NPM1: variants seen among roughly 807,000 people sequenced by gnomAD.
The protein encoded by NPM1 is nucleophosmin 1.
A neutral mutation model predicts 44.1 loss-of-function variants in NPM1; 1 was observed. That is an observed-to-expected ratio of 0.02 (90% CI 0.01 to 0.11). NPM1 has a LOEUF of 0.11. NPM1 is among the 10% of genes least tolerant of loss of function. NPM1 has a pLI of 1.00. For missense variants in NPM1, 197 were observed against 347.8 expected (o/e 0.57, Z 3.45); for synonymous variants, 126 against 111.8 (o/e 1.13, Z -0.80).
chr5:171,399,711 G>A (rs530836461), intron 6 of NPM1, among the ~76,000 whole-genome samples: 9 of 151,308 alleles, frequency 5.9e-5, no homozygotes, highest in South Asian at 2.1e-4. Flanking sequence ...AATTCACTCT[G>A]AGTGTACAGT....
At chr5:171,403,692 C>A (rs1272194323) in intron 8 of NPM1, among the ~76,000 whole-genome samples, 3 of 145,702 alleles carry the variant, frequency 2.1e-5, no homozygotes, top group Admixed American at 6.9e-5. Context: ...GGGGGCTGAC[C>A]CCCCCACCTC....
At chr5:171,393,139 A>G (rs1770678550) in intron 6 of NPM1, among the ~76,000 whole-genome samples, 161 bp downstream of exon 6, 1 of 152,232 alleles carries the variant, frequency 6.6e-6, no homozygotes, top group Non-Finnish European at 1.5e-5. Context: ...TTGTCAGTTT[A>G]AGTTAAATGA....
In NPM1 at chr5:171,408,147, CTTT is replaced by C. The variant is rs142729767; in HGVS notation, c.846+385_846+387del. Among the ~76,000 whole-genome samples, 10 of 142,050 alleles carry C rather than the reference CTTT, an allele frequency of 7.0e-5. No homozygotes were observed. The East Asian group carries it at 8.1e-4, about 12-fold the overall frequency. 93.2% of individuals were successfully genotyped at this position (142,050 alleles called of 152,430 possible). On this transcript the variant is annotated intron_variant, in intron 10 of 10. Transcript: ENST00000296930. Reference sequence around the variant, plus strand: ...GGCTTTTTTGGGAGTTGGTAGAGATCTTTTTTTTTTTTTTCCTAGATCTTATGG... The same window carrying C: ...GGCTTTTTTGGGAGTTGGTAGAGATCTTTTTTTTTTTCCTAGATCTTATGG...
At chr5:171,391,929 A>T in intron 4 of NPM1, 130 bp downstream of exon 4, 4 of 442,228 alleles carry the variant, frequency 9.0e-6, no homozygotes, top group Non-Finnish European at 4.0e-6. Flanking sequence ...GAGTCTAGAA[A>T]TTGGAGAGGA....
intron 6 of NPM1, among the ~76,000 whole-genome samples, chr5:171,399,541 G>A (rs921557237): frequency 2.0e-5 from 3 of 152,138 alleles, no homozygotes; most frequent in Non-Finnish European, 1.5e-5. Context: ...CAGTTCTTGG[G>A]TTTGTTTATA....
intron 8 of NPM1, 60 bp downstream of exon 8, chr5:171,400,985 G>C (rs1771169164): frequency 8.7e-7 from 1 of 1,149,460 alleles, no homozygotes; most frequent in South Asian, 1.2e-5. Flanking sequence ...AGATTCTACT[G>C]TGGAAGAATC....
At position 171,388,148 on chromosome 5, in the gene NPM1, G is replaced by C; in HGVS notation, c.58+142G>C. On this transcript the variant is annotated intron_variant, in intron 1 of 10. Transcript: ENST00000296930. Reference sequence around the variant, plus strand: ...GAGGCCTGAGCGGGTGGGAAGAGCTGCCTGAGCCCTGGACCTGGAGGGATT... The same window carrying C: ...GAGGCCTGAGCGGGTGGGAAGAGCTCCCTGAGCCCTGGACCTGGAGGGATT... 5 of 771,372 alleles carry C rather than the reference G, an allele frequency of 6.5e-6. 1 individual carries two copies. In the South Asian group the frequency reaches 8.2e-5, roughly 13 times the overall value. The allele number at this position is 771,372 out of a possible 1,614,324, so 47.8% of individuals were successfully genotyped here.
chr5:171,397,957 A>C (rs1770998621), intron 6 of NPM1, among the ~76,000 whole-genome samples: 1 of 146,832 alleles, frequency 6.8e-6, no homozygotes, highest in Admixed American at 6.8e-5. Context: ...ACGCCCGGCT[A>C]ATTTTCTGTA....
intron 8 of NPM1, among the ~76,000 whole-genome samples, chr5:171,405,015 A>G (rs1173190655): frequency 4.6e-5 from 7 of 151,960 alleles, no homozygotes; most frequent in Non-Finnish European, 1.0e-4. Flanking sequence ...ATAGCTCACT[A>G]CAGCCTCCAG....
intron 7 of NPM1, 82 bp downstream of exon 7, chr5:171,400,292 TA>T: frequency 9.8e-7 from 1 of 1,020,970 alleles, no homozygotes; most frequent in South Asian, 1.8e-5. Flanking sequence ...GTTTTGTAGT[TA>T]AGGGAAGCTG....
At chr5:171,392,025 CCT>C (rs1257949583) in intron 4 of NPM1, among the ~76,000 whole-genome samples, 1 of 151,914 alleles carries the variant, frequency 6.6e-6, no homozygotes, top group Non-Finnish European at 1.5e-5. Context: ...CTCACTGGAA[CCT>C]CTCCGGGATT....
intron 9 of NPM1, chr5:171,406,334 A>T: frequency 7.0e-7 from 1 of 1,428,338 alleles, no homozygotes; most frequent in Non-Finnish European, 9.9e-7. Context: ...TGCTAAAATG[A>T]CATCTTTTAG....
At chr5:171,394,207 A>G (rs973699399) in intron 6 of NPM1, among the ~76,000 whole-genome samples, 5 of 151,404 alleles carry the variant, frequency 3.3e-5, no homozygotes, top group Middle Eastern at 3.2e-3. Context: ...ATGCCCTGCT[A>G]ATTTTTGTAT....
At chr5:171,407,594 A>G (rs1003698648) in intron 9 of NPM1, 106 bp from the exon 10 acceptor site, 34 of 725,222 alleles carry the variant, frequency 4.7e-5, no homozygotes, top group Non-Finnish European at 7.7e-5. Flanking sequence ...GGGAAAAAGA[A>G]TAAACTGATC....
At chr5:171,409,106 A>T (rs1042287245) in intron 10 of NPM1, among the ~76,000 whole-genome samples, 2 of 152,146 alleles carry the variant, frequency 1.3e-5, no homozygotes, top group African/African-American at 4.8e-5. Context: ...CACCTTGCCC[A>T]GCCTACCAGA....
rs1430123372 is a variant in NPM1, at chr5:171,392,987, G to C, written c.524+9G>C. On this transcript the variant is annotated intron_variant, in intron 6 of 10. Coordinates refer to ENST00000296930, the MANE Select transcript of NPM1 (RefSeq NM_002520.7). ...GAGGATGATGATGAAGAGTAAGTAT[G>C]ATTTTAGAAACTTGATATACTTCCG... The C allele has an allele frequency of 6.2e-7, 1 of 1,607,458 alleles. No individual in the cohort carries two copies. Among genetic ancestry groups the C allele is most frequent in the South Asian group, 1.1e-5 (1 of 90,552 alleles).
At chr5:171,398,224 C>T (rs1014348772) in intron 6 of NPM1, among the ~76,000 whole-genome samples, 2 of 152,134 alleles carry the variant, frequency 1.3e-5, no homozygotes, top group African/African-American at 2.4e-5. Context: ...TTATGACGTC[C>T]GATTTCTTTT....
At chr5:171,402,114 A>G (rs914964185) in intron 8 of NPM1, among the ~76,000 whole-genome samples, 1 of 147,966 alleles carries the variant, frequency 6.8e-6, no homozygotes, top group Non-Finnish European at 1.5e-5. Context: ...AATAAATTTC[A>G]TATTCTACAA....
At position 171,388,002 on chromosome 5, in the gene NPM1, T is replaced by C. The variant is rs765486682; in HGVS notation, c.54T>C (p.Leu18=). ...DMSPLRPQNY[L]FGCELKADKD... is the part of the protein sequence containing the mutation. ...GCCCCCTGAGGCCCCAGAACTATCT[T>C]TTCGGTAACTGCTGGGGGGAGCTGG... Residue 18 remains leucine (L), a synonymous_variant, in exon 1 of 11, where the codon CTT becomes CTC. Transcript: ENST00000296930. 58 of 1,612,526 alleles carry C rather than the reference T, an allele frequency of 3.6e-5. No individual in the cohort carries two copies. In the Admixed American group the frequency reaches 8.2e-4, roughly 23 times the overall value.
Sources: allele counts gnomAD v4.1 joint callset (sites outside exome capture counted in the v4.1 genomes callset), GRCh38; gene constraint gnomAD v4.1.1; transcripts MANE v1.5; gene names NCBI Gene and HGNC (gene_info 2026-07-23, HGNC 2026-07-21).